Variants in FAT3 observed in about 807,000 individuals in gnomAD.
FAT3 encodes protocadherin Fat 3.
A neutral mutation model predicts 310.2 loss-of-function variants in FAT3; 95 were observed. That is an observed-to-expected ratio of 0.31 (90% CI 0.26 to 0.36). The LOEUF (loss-of-function observed/expected upper bound fraction) is 0.36. Among genes scored for constraint, FAT3 ranks in the 10% least tolerant of loss-of-function variants. The pLI is 1.00. For synonymous variants in FAT3, 2,314 were observed against 2,192.9 expected, an observed-to-expected ratio of 1.06 and a Z score of -1.54; for missense variants, 5,408 against 5,715.6, an observed-to-expected ratio of 0.95 and a Z score of 1.74.
At chr11:92,236,457 G>T (rs370062718) in intron 1 of FAT3, among the ~76,000 whole-genome samples, 2 of 152,056 alleles carry the variant, frequency 1.3e-5, no homozygotes, top group African/African-American at 4.8e-5. Flanking sequence ...ATCAACACGT[G>T]AGCAGGTGCG....
intron 3 of FAT3, among the ~76,000 whole-genome samples, chr11:92,673,183 A>G (rs1484447772): frequency 1.3e-5 from 2 of 152,218 alleles, no homozygotes. Context: ...AGGGAATTAA[A>G]TTGAAATTAG....
chr11:92,881,632 C>T (rs532000210), intron 23 of FAT3, among the ~76,000 whole-genome samples: 85 of 152,186 alleles, frequency 5.6e-4, no homozygotes, highest in African/African-American at 1.9e-3. Flanking sequence ...AATTAGGTTT[C>T]GTTTGGCTAC....
chr11:92,373,641 C>G (rs1269123276), intron 2 of FAT3, among the ~76,000 whole-genome samples: 1 of 151,890 alleles, frequency 6.6e-6, no homozygotes, highest in African/African-American at 2.4e-5. Flanking sequence ...GTGATGAACT[C>G]CTACAGTATT....
At chr11:92,442,423 T>C (rs984103673) in intron 2 of FAT3, among the ~76,000 whole-genome samples, 1 of 151,296 alleles carries the variant, frequency 6.6e-6, no homozygotes, top group Non-Finnish European at 1.5e-5. Context: ...AGGAAATATA[T>C]TTGAGCATGG....
chr11:92,520,629 T>A (rs530079544), intron 2 of FAT3, among the ~76,000 whole-genome samples: 21 of 152,108 alleles, frequency 1.4e-4, no homozygotes, highest in Non-Finnish European at 2.2e-4. Flanking sequence ...TTTACATTCT[T>A]AGCTGTGACT....
intron 2 of FAT3, among the ~76,000 whole-genome samples, chr11:92,473,062 A>G (rs1951951661): frequency 6.6e-6 from 1 of 152,100 alleles, no homozygotes; most frequent in African/African-American, 2.4e-5. Context: ...CTTCTGGGAA[A>G]AGTCTCCACT....
intron 2 of FAT3, among the ~76,000 whole-genome samples, chr11:92,470,138 G>T (rs11019972): frequency 2.6e-5 from 4 of 152,192 alleles, no homozygotes; most frequent in Non-Finnish European, 5.9e-5. Flanking sequence ...AGCCCTGAGA[G>T]ATTTATTGCC....
chr11:92,797,702 G>C (rs1258529040), intron 9 of FAT3, 134 bp from the exon 10 acceptor site: 4 of 734,894 alleles, frequency 5.4e-6, no homozygotes, highest in Non-Finnish European at 8.8e-6. Flanking sequence ...TTTTATTTCA[G>C]AATGACACAG....
In FAT3 at chr11:92,764,239, C is replaced by T. The variant is rs567914852; in HGVS notation, c.3985-640C>T. Among the ~76,000 whole-genome samples, 3 of 152,072 alleles carry T rather than the reference C, an allele frequency of 2.0e-5. No individual in the cohort carries two copies. In the East Asian group the frequency reaches 5.8e-4, roughly 30 times the overall value. ...ACGCTGCCTCCAGGGACTGTGCTAT[C>T]GAGAGAGTTCTCTGTTACCTTTTTG... On this transcript the variant is annotated intron_variant, in intron 5 of 27. Coordinates refer to ENST00000525166, the MANE Select transcript of FAT3 (RefSeq NM_001367949.2).
intron 4 of FAT3, among the ~76,000 whole-genome samples, chr11:92,705,579 T>A (rs1446073374): frequency 2.5e-4 from 3 of 11,992 alleles, no homozygotes; most frequent in South Asian, 4.2e-3. Context: ...GTGGTGGTGA[T>A]GGTGGTGGTG....
intron 4 of FAT3, among the ~76,000 whole-genome samples, chr11:92,756,897 A>G (rs1946005726): frequency 6.7e-6 from 1 of 148,998 alleles, no homozygotes; most frequent in South Asian, 2.1e-4. Flanking sequence ...TCACAGACCA[A>G]TGAACTATTT....
intron 1 of FAT3, among the ~76,000 whole-genome samples, chr11:92,285,476 C>T (rs541833648): frequency 6.6e-6 from 1 of 152,256 alleles, no homozygotes; most frequent in East Asian, 1.9e-4. Context: ...AAGTAATGCA[C>T]ATTTCAGATG....
chr11:92,366,516 C>T (rs1949026882), intron 2 of FAT3: 3 of 478,112 alleles, frequency 6.3e-6, no homozygotes, highest in South Asian at 1.6e-5. Context: ...GCCTTACCCT[C>T]GGCAGCCGCA....
chr11:92,597,105 G>A (rs1292340736), intron 3 of FAT3, among the ~76,000 whole-genome samples: 1 of 152,084 alleles, frequency 6.6e-6, no homozygotes, highest in East Asian at 1.9e-4. Context: ...TGTGTCTGAT[G>A]TCACAAATAA....
chr11:92,265,176 T>G (rs1160305588), intron 1 of FAT3, among the ~76,000 whole-genome samples: 1 of 151,976 alleles, frequency 6.6e-6, no homozygotes, highest in Non-Finnish European at 1.5e-5. Flanking sequence ...AGTTCACTTA[T>G]TTTTTAGTGA....
chr11:92,841,738 G>C (rs1288242509), intron 18 of FAT3, among the ~76,000 whole-genome samples: 2 of 152,136 alleles, frequency 1.3e-5, no homozygotes, highest in Non-Finnish European at 2.9e-5. Context: ...TTTGTAAAAG[G>C]CTCCCTCCCC....
At chr11:92,356,153 C>G (rs893681229) in intron 2 of FAT3, among the ~76,000 whole-genome samples, 2 of 152,042 alleles carry the variant, frequency 1.3e-5, no homozygotes, top group Non-Finnish European at 2.9e-5. Context: ...TTTTAAAATA[C>G]TTGTTATTGT....
chr11:92,258,434 A>G (rs1359423016), intron 1 of FAT3, among the ~76,000 whole-genome samples: 1 of 152,110 alleles, frequency 6.6e-6, no homozygotes, highest in African/African-American at 2.4e-5. Context: ...GGGCATTTGC[A>G]CTAGCTGCAG....
chr11:92,625,206 T>G (rs904893688), intron 3 of FAT3, among the ~76,000 whole-genome samples: 6 of 152,212 alleles, frequency 3.9e-5, no homozygotes, highest in Non-Finnish European at 5.9e-5. Flanking sequence ...TTTTGTTAAA[T>G]TTATTATAGT....
Sources: allele counts gnomAD v4.1 joint callset (sites outside exome capture counted in the v4.1 genomes callset), GRCh38; gene constraint gnomAD v4.1.1; transcripts MANE v1.5; gene names NCBI Gene and HGNC (gene_info 2026-07-23, HGNC 2026-07-21).